The following NPHP1 variants were observed in gnomAD, a reference collection of about 807,000 sequenced individuals.
The protein encoded by NPHP1 is nephrocystin-1.
Under a neutral mutation model 90.4 loss-of-function variants are expected in NPHP1, and 70 were observed. The ratio of observed to expected loss-of-function variants is 0.77; its 90% CI spans 0.64 to 0.95. NPHP1 has a LOEUF of 0.95. Ranked by LOEUF, NPHP1 falls within the 40% of genes least tolerant of loss-of-function variation. NPHP1 has a pLI of 0.00. For missense variants in NPHP1, 764 were observed against 795.9 expected (o/e 0.96, Z 0.48); for synonymous variants, 256 against 271.7 (o/e 0.94, Z 0.57).
chr2:110,128,922 C>T, intron 18 of NPHP1: 1 of 492,122 alleles, frequency 2.0e-6, no homozygotes, highest in Admixed American at 3.5e-5. Context: ...AATCAGTGGC[C>T]ATCCTAAGTC....
intron 2 of NPHP1, among the ~76,000 whole-genome samples, chr2:110,193,571 C>A (rs1317231532): frequency 6.6e-6 from 1 of 152,052 alleles, no homozygotes; most frequent in Non-Finnish European, 1.5e-5. Flanking sequence ...GACTTTAACA[C>A]CCCACTGTCA....
In NPHP1 at chr2:110,161,602, C is replaced by A. The variant is rs1460190568; in HGVS notation, c.954+1G>T. 6.3e-7 allele frequency: 1 copy of A among 1,588,760 alleles called. No individual in the cohort carries two copies. Among genetic ancestry groups the A allele is most frequent in the East Asian group, 2.2e-5 (1 of 44,666 alleles). Reference sequence around the variant, plus strand: ...CTTTTACTGATAGTAACTATACTTACAGTGCCTTCTGTAGCATCCCACATC... The same window carrying A: ...CTTTTACTGATAGTAACTATACTTAAAGTGCCTTCTGTAGCATCCCACATC... On this transcript the variant is annotated splice_donor_variant, in intron 10 of 19. Coordinates refer to ENST00000445609, the MANE Select transcript of NPHP1 (RefSeq NM_001128178.3). LOFTEE classifies it high-confidence loss of function.
intron 2 of NPHP1, 24 bp downstream of exon 2, chr2:110,201,397 C>T: frequency 2.1e-6 from 3 of 1,462,628 alleles, no homozygotes; most frequent in Admixed American, 1.7e-5. Flanking sequence ...TCCTGTAAAG[C>T]TTATATAATT....
In NPHP1 at chr2:110,178,712, G is replaced by A. The variant is rs1047930223; in HGVS notation, c.205-165C>T. 5 of 613,274 alleles carry A rather than the reference G, an allele frequency of 8.2e-6. No homozygotes were observed. In the Admixed American group the frequency reaches 9.7e-5, roughly 12 times the overall value. The allele number at this position is 613,274 out of a possible 1,614,324, so 38.0% of individuals were successfully genotyped here. A position where few individuals can be genotyped will look rare whatever the true frequency, so the allele number is the denominator to read the frequency against. On this transcript the variant is annotated intron_variant, in intron 3 of 19. Transcript: ENST00000445609. ...TTAGATTTAAAAGAAACAGGCAATTGTGTTGGAATGCAAACCAAATGAAAA... is the reference window on the plus strand; with the variant it reads ...TTAGATTTAAAAGAAACAGGCAATTATGTTGGAATGCAAACCAAATGAAAA...
chr2:110,167,217 C>G (rs1682784167), intron 6 of NPHP1, among the ~76,000 whole-genome samples: 2 of 151,944 alleles, frequency 1.3e-5, no homozygotes, highest in East Asian at 1.9e-4. Context: ...TCTTACTCAT[C>G]AAGAGTCCCC....
chr2:110,186,540 T>C (rs1158568117), intron 2 of NPHP1, among the ~76,000 whole-genome samples: 4 of 152,070 alleles, frequency 2.6e-5, no homozygotes, highest in Admixed American at 2.6e-4. Context: ...GCCCAGGTGG[T>C]GCAAAGCTGG....
chr2:110,205,004 C>T lies in NPHP1; in HGVS notation c.-36G>A, dbSNP rs1278545121. ...GCGGTGCTCTGATTGCTCCAGTTGC[C>T]AGGGAAACCAACCGGCGGCGCCAGA... On this transcript the variant is annotated 5_prime_UTR_variant, in exon 1 of 20. Transcript: ENST00000445609. 6.2e-7 allele frequency: 1 copy of T among 1,610,968 alleles called. No homozygotes were observed. Among genetic ancestry groups the T allele is most frequent in the East Asian group, 2.2e-5 (1 of 44,818 alleles).
chr2:110,158,410 T>C (rs749561170), intron 11 of NPHP1, among the ~76,000 whole-genome samples: 53 of 152,112 alleles, frequency 3.5e-4, no homozygotes, highest in Admixed American at 7.9e-4. Flanking sequence ...TCCCCAACTA[T>C]AATAGAGGCC....
intron 2 of NPHP1, among the ~76,000 whole-genome samples, chr2:110,195,264 G>A (rs1314650349): frequency 9.9e-5 from 15 of 152,228 alleles, no homozygotes; most frequent in East Asian, 3.9e-4. Flanking sequence ...AAACCCCATC[G>A]TCTCAGCCTA....
In NPHP1 at chr2:110,185,868, T is replaced by C. The variant is rs1179343842; in HGVS notation, c.144-6184A>G. On this transcript the variant is annotated intron_variant, in intron 2 of 19. Coordinates refer to ENST00000445609, the MANE Select transcript of NPHP1 (RefSeq NM_001128178.3). The stretch of plus-strand genomic sequence containing the variant: ...CCCTGAATGGCTGCAGAGATAATGT[T>C]CCCAGCCCATTCCCCTTCCAGGGGC... Among the ~76,000 whole-genome samples, 4 of 152,258 alleles carry C rather than the reference T, an allele frequency of 2.6e-5. No homozygotes were observed. The East Asian group carries it at 7.7e-4, about 29-fold the overall frequency.
chr2:110,198,719 T>G (rs897445771), intron 2 of NPHP1, among the ~76,000 whole-genome samples: 1 of 152,088 alleles, frequency 6.6e-6, no homozygotes, highest in Non-Finnish European at 1.5e-5. Flanking sequence ...GACTAAAAGC[T>G]ACTTCCGAGC....
At chr2:110,184,605 G>T in intron 2 of NPHP1, 1 of 1,112,164 alleles carries the variant, frequency 9.0e-7, no homozygotes, top group South Asian at 1.3e-5. Flanking sequence ...CATGCGAATT[G>T]ACATCGCAAG....
At chr2:110,169,729 T>TG in intron 5 of NPHP1, 77 bp downstream of exon 5, 1 of 917,454 alleles carries the variant, frequency 1.1e-6, no homozygotes, top group South Asian at 1.3e-5. Flanking sequence ...GTAATACAGG[T>TG]GTACAGGCAG....
intron 13 of NPHP1, among the ~76,000 whole-genome samples, chr2:110,147,178 C>T (rs1311052453): frequency 1.3e-5 from 2 of 152,068 alleles, no homozygotes; most frequent in African/African-American, 2.4e-5. Flanking sequence ...CTTTGTTTCA[C>T]TGACAGATAG....
chr2:110,152,314 A>G (rs1681535727), intron 11 of NPHP1, among the ~76,000 whole-genome samples: 1 of 152,120 alleles, frequency 6.6e-6, no homozygotes, highest in African/African-American at 2.4e-5. Flanking sequence ...AGAATGTACA[A>G]GAACTTCTCA....
chr2:110,201,662 C>T (rs554632924), intron 1 of NPHP1, among the ~76,000 whole-genome samples, 168 bp from the exon 2 acceptor site: 8 of 152,216 alleles, frequency 5.3e-5, no homozygotes, highest in Middle Eastern at 3.4e-3. Context: ...AAAACATTAA[C>T]ATTATACTAT....
chr2:110,143,808 C>G lies in NPHP1; in HGVS notation c.1430-167G>C, dbSNP rs532096469. 43 of 616,056 alleles carry G rather than the reference C, an allele frequency of 7.0e-5. No homozygotes were observed. The East Asian group carries it at 1.2e-3, about 17-fold the overall frequency. 38.2% of individuals were successfully genotyped at this position (616,056 alleles called of 1,614,324 possible). On this transcript the variant is annotated intron_variant, in intron 15 of 19. Transcript: ENST00000445609. ...GAGCTGAGAGACCTCCCTAAGGGCA[C>G]AGGATTGTTTGCTAAATCACATGAG...
chr2:110,192,505 T>C (rs186929895), intron 2 of NPHP1, among the ~76,000 whole-genome samples: 1 of 152,162 alleles, frequency 6.6e-6, no homozygotes, highest in African/African-American at 2.4e-5. Context: ...TATGGGACTA[T>C]GTGAAAAGAT....
chr2:110,151,662 C>T (rs1165472224), intron 11 of NPHP1, among the ~76,000 whole-genome samples: 2 of 152,018 alleles, frequency 1.3e-5, no homozygotes, highest in East Asian at 1.9e-4. Flanking sequence ...ATCCCACTTC[C>T]TTCGATTGCT....
Sources: allele counts gnomAD v4.1 joint callset (sites outside exome capture counted in the v4.1 genomes callset), GRCh38; gene constraint gnomAD v4.1.1; transcripts MANE v1.5; gene names NCBI Gene and HGNC (gene_info 2026-07-23, HGNC 2026-07-21).